SCX: variants seen among roughly 807,000 people sequenced by gnomAD.
The protein encoded by SCX is scleraxis bHLH transcription factor, also known as basic helix-loop-helix transcription factor scleraxis.
Under a neutral mutation model 12.2 loss-of-function variants are expected in SCX, and 7 were observed. That is an observed-to-expected ratio of 0.57 (90% confidence interval 0.33 to 1.08). SCX has a LOEUF of 1.08. Ranked by LOEUF, SCX falls within the 50% of genes least tolerant of loss-of-function variation. The probability of loss-of-function intolerance (pLI) is 0.04; values close to 1 mark genes in which losing one functional copy is unlikely to be tolerated. For synonymous variants in SCX, 193 were observed against 163.9 expected (o/e 1.18, Z -1.36); for missense variants, 342 against 337.2 (o/e 1.01, Z -0.11).
At chr8:144,267,540 G>C (rs1159044302) in intron 1 of SCX, among the ~76,000 whole-genome samples, 1 of 152,280 alleles carries the variant, frequency 6.6e-6, no homozygotes, top group South Asian at 2.1e-4. Flanking sequence ...GCTGAGTTCA[G>C]AAAGTAAGAG....
In SCX at chr8:144,266,623, G is replaced by A; in HGVS notation, c.10G>A (p.Ala4Thr). 1.6e-6 allele frequency: 2 copies of A among 1,216,954 alleles called. No homozygotes were observed. The highest frequency in any genetic ancestry group is 2.1e-6 in the Non-Finnish European group (2 of 958,604). The allele number at this position is 1,216,954 out of a possible 1,614,324, so 75.4% of individuals were successfully genotyped here. The change falls in exon 1 of 2, where the codon GCC (alanine) becomes ACC (threonine). Residue 4 changes from alanine to threonine, a missense_variant. By Grantham distance (58) the Ala-to-Thr change is moderately conservative. Around this residue, in one of 3 missense-constraint regions of SCX, gnomAD observed 139 missense variants for 107.8 expected, o/e 1.29. Coordinates refer to ENST00000567180, the MANE Select transcript of SCX (RefSeq NM_001080514.3). ...CGCCCCCGCCGGCCCCATGTCCTTC[G>A]CCACGCTGCGCCCGGCGCCGCCGGG... MSFATLRPAPPGRY... is the reference protein window; with the variant it reads MSFTTLRPAPPGRY...
chr8:144,268,020 G>GA, intron 1 of SCX, 84 bp from the exon 2 acceptor site: 1 of 1,541,966 alleles, frequency 6.5e-7, no homozygotes, highest in East Asian at 2.4e-5. Context: ...GGCCACCTGA[G>GA]ATGGCACCCA....
chr8:144,267,518 G>A (rs922758957), intron 1 of SCX, among the ~76,000 whole-genome samples: 126 of 152,366 alleles, frequency 8.3e-4, no homozygotes, highest in Admixed American at 1.9e-3. Flanking sequence ...GTTGAAAGGC[G>A]GAGTGAAAAC....
chr8:144,267,877 G>A (rs1025350584), intron 1 of SCX, among the ~76,000 whole-genome samples: 44 of 152,352 alleles, frequency 2.9e-4, no homozygotes, highest in African/African-American at 1.0e-3. Context: ...TCTCCAGACA[G>A]CACGCGCGAG....
In SCX at chr8:144,267,022, T is replaced by G; in HGVS notation, c.409T>G (p.Cys137Gly). The G allele has an allele frequency of 6.6e-7, 1 of 1,521,760 alleles. No individual in the cohort carries two copies. The highest frequency in any genetic ancestry group is 8.8e-7 in the Non-Finnish European group (1 of 1,141,866). The allele number at this position is 1,521,760 out of a possible 1,614,324, so 94.3% of individuals were successfully genotyped here. ...LGNVLLAGEA[C>G]GDGQPCHSGP... is the part of the protein sequence containing the mutation. ...CAACGTGCTGCTGGCGGGCGAGGCC[T>G]GCGGCGACGGACAGCCCTGCCACTC... The change falls in exon 1 of 2, where the codon TGC (cysteine) becomes GGC (glycine). Residue 137 changes from cysteine (C) to glycine (G), a missense_variant. By Grantham distance (159) the Cys-to-Gly change is radical (BLOSUM62 -3). Coordinates refer to ENST00000567180, the MANE Select transcript of SCX (RefSeq NM_001080514.3).
At position 144,267,187 on chromosome 8, in the gene SCX, A is replaced by C. The variant is rs1845393156; in HGVS notation, c.567+7A>C. 6.6e-7 allele frequency: 1 copy of C among 1,518,994 alleles called. No homozygotes were observed. Among genetic ancestry groups the C allele is most frequent in the Non-Finnish European group, 8.7e-7 (1 of 1,144,406 alleles). 94.1% of individuals were successfully genotyped at this position (1,518,994 alleles called of 1,614,324 possible). A position where few individuals can be genotyped will look rare whatever the true frequency, so the allele number is the denominator to read the frequency against. On this transcript the variant is annotated splice_region_variant and intron_variant, in intron 1 of 1. Transcript: ENST00000567180. Reference sequence around the variant, plus strand: ...CAGCAACCAGAGAAAGTTGGTGAGCACGGGCCGTGGGGCGCCGAGGGGGGC... The same window carrying C: ...CAGCAACCAGAGAAAGTTGGTGAGCCCGGGCCGTGGGGCGCCGAGGGGGGC...
chr8:144,268,031 G>C, intron 1 of SCX, 73 bp from the exon 2 acceptor site: 2 of 1,545,568 alleles, frequency 1.3e-6, no homozygotes, highest in Non-Finnish European at 1.7e-6. Context: ...ATGGCACCCA[G>C]CAGGGAGGCC....
Position 144,267,137 on chromosome 8 carries a change from C to T in SCX, c.524C>T (p.Pro175Leu), listed in dbSNP as rs1233977735. The stretch of plus-strand genomic sequence containing the variant: ...GCCCGCGACGGCGAGAACACCCAGC[C>T]CAAACAGATCTGCACCTTCTGCCTC... ...PPARDGENTQ[P>L]KQICTFCLSN... The change falls in exon 1 of 2, where the codon CCC becomes CTC. Residue 175 changes from proline to leucine, a missense_variant. Pro to Leu is a moderately conservative substitution (Grantham distance 98, BLOSUM62 -3). Transcript: ENST00000567180. 2.0e-5 allele frequency: 30 copies of T among 1,525,096 alleles called. No individual in the cohort carries two copies. Among genetic ancestry groups the T allele is most frequent in the Non-Finnish European group, 2.5e-5 (29 of 1,147,084 alleles). 94.5% of individuals were successfully genotyped at this position (1,525,096 alleles called of 1,614,324 possible).
In SCX at chr8:144,266,695, C is replaced by T; in HGVS notation, c.82C>T (p.Arg28Cys). 17 of 1,232,572 alleles carry T rather than the reference C, an allele frequency of 1.4e-5. No homozygotes were observed. Among genetic ancestry groups the T allele is most frequent in the Non-Finnish European group, 1.7e-5 (16 of 968,092 alleles). The allele number at this position is 1,232,572 out of a possible 1,614,324, so 76.4% of individuals were successfully genotyped here. Residue 28 changes from arginine (R) to cysteine (C), a missense_variant, in exon 1 of 2, where the codon CGC becomes TGC. Arg to Cys is a radical substitution (Grantham distance 180). Around this residue, in one of 3 missense-constraint regions of SCX, gnomAD observed 139 missense variants for 107.8 expected, o/e 1.29. Coordinates refer to ENST00000567180, the MANE Select transcript of SCX (RefSeq NM_001080514.3). ...EVSPLSEDEDRGSDSSGSDEK... is the reference protein window; with the variant it reads ...EVSPLSEDEDCGSDSSGSDEK... ...GAGCCCGCTGTCGGAGGACGAGGAC[C>T]GCGGCAGCGACAGCTCGGGCTCCGA...
intron 1 of SCX, among the ~76,000 whole-genome samples, chr8:144,267,763 C>T (rs1564596627): frequency 2.0e-5 from 3 of 152,192 alleles, no homozygotes; most frequent in Non-Finnish European, 2.9e-5. Flanking sequence ...CTGCAGGAGA[C>T]GCTGGCCAGC....
At chr8:144,267,698 A>G (rs1845409912) in intron 1 of SCX, among the ~76,000 whole-genome samples, 1 of 151,898 alleles carries the variant, frequency 6.6e-6, no homozygotes, top group Non-Finnish European at 1.5e-5. Flanking sequence ...GACGTGGGCC[A>G]TGGGACACGA....
chr8:144,266,856 C>A lies in SCX; in HGVS notation c.243C>A (p.Asn81Lys). 7.1e-7 allele frequency: 1 copy of A among 1,407,940 alleles called. No homozygotes were observed. Among genetic ancestry groups the A allele is most frequent in the Non-Finnish European group, 9.3e-7 (1 of 1,073,356 alleles). The allele number at this position is 1,407,940 out of a possible 1,614,324, so 87.2% of individuals were successfully genotyped here. ...AGCCCCGGCAGCGGCACACGGCGAACGCGCGCGAGCGAGACCGCACCAACA... is the reference window on the plus strand; with the variant it reads ...AGCCCCGGCAGCGGCACACGGCGAAAGCGCGCGAGCGAGACCGCACCAACA... ...GREPRQRHTANARERDRTNSV... is the reference protein window; with the variant it reads ...GREPRQRHTAKARERDRTNSV... Residue 81 changes from asparagine (N) to lysine (K), a missense_variant, in exon 1 of 2, where the codon AAC becomes AAA. Asn to Lys is a moderately conservative substitution (Grantham distance 94). Transcript: ENST00000567180.
At position 144,268,431 on chromosome 8, in the gene SCX, TATA is replaced by T. The variant is rs1845431881; in HGVS notation, c.*291_*293del. The stretch of plus-strand genomic sequence containing the variant: ...GCATCTTGTGTTTTTGATATGATAA[TATA>T]AAGTCTGAAAATTTTGTATAATTAA... On this transcript the variant is annotated 3_prime_UTR_variant, in exon 2 of 2. Coordinates refer to ENST00000567180, the MANE Select transcript of SCX (RefSeq NM_001080514.3). 2 of 560,952 alleles carry T rather than the reference TATA, an allele frequency of 3.6e-6. No homozygotes were observed. Among genetic ancestry groups the T allele is most frequent in the African/African-American group, 3.8e-5 (2 of 52,412 alleles). 34.7% of individuals were successfully genotyped at this position (560,952 alleles called of 1,614,324 possible). A position where few individuals can be genotyped will look rare whatever the true frequency, so the allele number is the denominator to read the frequency against.
intron 1 of SCX, among the ~76,000 whole-genome samples, chr8:144,267,588 C>T (rs1418263546): frequency 1.3e-5 from 2 of 152,248 alleles, no homozygotes; most frequent in Admixed American, 6.5e-5. Flanking sequence ...GGGTTCTTAG[C>T]CCCTGCGGCC....
In SCX at chr8:144,268,093, C is replaced by G. The variant is rs1845420594; in HGVS notation, c.568-11C>G. 3.9e-6 allele frequency: 6 copies of G among 1,550,552 alleles called. No individual in the cohort carries two copies. The highest frequency in any genetic ancestry group is 8.7e-7 in the Non-Finnish European group (1 of 1,146,992). On this transcript the variant is annotated splice_polypyrimidine_tract_variant and intron_variant, in intron 1 of 1. Transcript: ENST00000567180. ...CTGCCGGGGCCTGACACTCCTCCCT[C>G]CCCTCTGCAGAGCAAGGACCGCGAC... is the stretch of plus-strand genomic sequence containing the variant.
In SCX at chr8:144,268,359, C is replaced by T; in HGVS notation, c.*217C>T. 1.6e-6 allele frequency: 1 copy of T among 621,378 alleles called. No individual in the cohort carries two copies. Among genetic ancestry groups the T allele is most frequent in the Non-Finnish European group, 2.8e-6 (1 of 358,632 alleles). 38.5% of individuals were successfully genotyped at this position (621,378 alleles called of 1,614,324 possible). A position where few individuals can be genotyped will look rare whatever the true frequency, so the allele number is the denominator to read the frequency against. ...CGCTGGCCCCAGCACCTGCCCGGGCCCACTGGAACTTTCTGCGCTGGCTTT... is the reference window on the plus strand; with the variant it reads ...CGCTGGCCCCAGCACCTGCCCGGGCTCACTGGAACTTTCTGCGCTGGCTTT... On this transcript the variant is annotated 3_prime_UTR_variant, in exon 2 of 2. Transcript: ENST00000567180.
intron 1 of SCX, among the ~76,000 whole-genome samples, 188 bp downstream of exon 1, chr8:144,267,368 C>T (rs549709148): frequency 3.3e-5 from 5 of 152,172 alleles, no homozygotes; most frequent in African/African-American, 9.6e-5. Flanking sequence ...GTCCCTAGGA[C>T]ACTCGGCTCC....
rs1382581037 is a variant in SCX at position 144,266,964 on chromosome 8, G to A, written c.351G>A (p.Leu117=). 2.8e-5 allele frequency: 43 copies of A among 1,557,018 alleles called. No individual in the cohort carries two copies. In the Admixed American group the frequency reaches 7.0e-4, roughly 25 times the overall value. The stretch of plus-strand genomic sequence containing the variant: ...GCAAGCTCTCCAAGATTGAGACGCT[G>A]CGCCTGGCCTCCAGCTACATCTCGC... The part of the protein sequence containing the change: ...ADRKLSKIET[L]RLASSYISHL... Residue 117 remains leucine, a synonymous_variant, in exon 1 of 2, where the codon CTG becomes CTA. Coordinates refer to ENST00000567180, the MANE Select transcript of SCX (RefSeq NM_001080514.3).
chr8:144,266,847 C>T lies in SCX; in HGVS notation c.234C>T (p.His78=). Residue 78 remains histidine (H), a synonymous_variant, in exon 1 of 2, where the codon CAC becomes CAT. Transcript: ENST00000567180. ...GRPGREPRQR[H]TANARERDRT... is the part of the protein sequence containing the mutation. ...CAGGCCGTGAGCCCCGGCAGCGGCA[C>T]ACGGCGAACGCGCGCGAGCGAGACC... 7.3e-7 allele frequency: 1 copy of T among 1,371,202 alleles called. No individual in the cohort carries two copies. Among genetic ancestry groups the T allele is most frequent in the Non-Finnish European group, 9.5e-7 (1 of 1,051,480 alleles). The allele number at this position is 1,371,202 out of a possible 1,614,324, so 84.9% of individuals were successfully genotyped here.
Sources: gnomAD v4.1 joint callset for allele counts (sites outside exome capture counted in the v4.1 genomes callset) on GRCh38, gnomAD v4.1.1 for gene constraint, gnomAD v4.1.1 regional missense constraint, MANE v1.5 for transcripts, NCBI Gene and HGNC (gene_info 2026-07-23, HGNC 2026-07-21) for gene names.